Variants in MYO7B observed in about 807,000 individuals in gnomAD.
The protein encoded by MYO7B is myosin VIIB, also known as unconventional myosin-VIIb.
MYO7B carries 212 observed loss-of-function variants against 259.7 expected under a neutral mutation model. The observed-to-expected ratio is 0.82, with a 90% CI of 0.73 to 0.91. MYO7B has a LOEUF of 0.91. Among genes scored for constraint, MYO7B ranks in the 40% least tolerant of loss-of-function variants. The pLI, the probability that MYO7B is intolerant of heterozygous loss-of-function variation, is 0.00. For synonymous variants in MYO7B, 1,197 were observed against 1,166.4 expected (o/e 1.03, Z -0.54); for missense variants, 2,732 against 2,813.5 (o/e 0.97, Z 0.66).
Position 127,623,335 on chromosome 2 carries a change from A to AGG in MYO7B, c.3779_3780insGG (p.Asp1260GlufsTer26). ...ATCGCTCACAAGCAGGGCCTCAGCGACCACCTGGGCTTCTCCCTCCAGGTC... is the reference window on the plus strand; with the variant it reads ...ATCGCTCACAAGCAGGGCCTCAGCGAGGCCACCTGGGCTTCTCCCTCCAGGTC... On this transcript the variant is annotated frameshift_variant, in exon 29 of 48. Transcript: ENST00000409816. LOFTEE classifies it high-confidence loss of function. 6.2e-7 allele frequency: 1 copy of AGG among 1,609,268 alleles called. No homozygotes were observed.
chr2:127,569,948 C>T (rs1258126522), intron 6 of MYO7B, 38 bp downstream of exon 6: 2 of 1,586,210 alleles, frequency 1.3e-6, no homozygotes, highest in Admixed American at 3.5e-5. Context: ...CTCCCCCAGC[C>T]CCCCTGGAGC....
chr2:127,583,301 T>C lies in MYO7B; in HGVS notation c.1344-821T>C, dbSNP rs181956362. Among the ~76,000 whole-genome samples, 70 of 152,314 alleles carry C rather than the reference T, an allele frequency of 4.6e-4. No homozygotes were observed. The East Asian group carries it at 0.013, about 28-fold the overall frequency. ...AAGGGCCCCCCTTGGACAGCCAGGA[T>C]TGTCAAGACACAAGCCATTCCACAC... On this transcript the variant is annotated intron_variant, in intron 12 of 47. Coordinates refer to ENST00000409816, the MANE Select transcript of MYO7B (RefSeq NM_001393586.1).
chr2:127,625,990 A>C (rs1488429158), intron 31 of MYO7B: 1 of 158,024 alleles, frequency 6.3e-6, no homozygotes, highest in Non-Finnish European at 1.4e-5. Flanking sequence ...ATATTTTCAA[A>C]TCACCCTTCA....
intron 43 of MYO7B, 163 bp from the exon 44 acceptor site, chr2:127,635,549 GGGCCCTGCCC>G: frequency 1.3e-6 from 1 of 741,674 alleles, no homozygotes; most frequent in East Asian, 2.7e-5. Context: ...AGATGTCAGG[GGGCCCTGCCC>G]TGACTCAGGG....
chr2:127,617,496 T>C (rs990313820), intron 26 of MYO7B, among the ~76,000 whole-genome samples: 2 of 128,530 alleles, frequency 1.6e-5, no homozygotes, highest in African/African-American at 6.2e-5. Context: ...GGTTTTTTTT[T>C]TTTTTTTTTT....
Position 127,636,447 on chromosome 2 carries a change from GGTGTATGT to G in MYO7B, c.6124-88_6124-81del. ...GCTGGCCGTGAGGCTGGAGGGCGTGGGTGTATGTGTGTATGTGCGTGTGGCCTAGATGA... is the reference window on the plus strand; with the variant it reads ...GCTGGCCGTGAGGCTGGAGGGCGTGGGTGTATGTGCGTGTGGCCTAGATGA... On this transcript the variant is annotated intron_variant, in intron 45 of 47. Transcript: ENST00000409816. The surrounding 1 kb of genome is among the most constrained non-coding windows in gnomAD (Gnocchi z 4.5). The G allele has an allele frequency of 2.1e-6, 3 of 1,422,040 alleles. No homozygotes were observed. Among genetic ancestry groups the G allele is most frequent in the South Asian group, 2.4e-5 (2 of 84,040 alleles). The allele number at this position is 1,422,040 out of a possible 1,614,324, so 88.1% of individuals were successfully genotyped here. A position where few individuals can be genotyped will look rare whatever the true frequency, so the allele number is the denominator to read the frequency against.
intron 47 of MYO7B, 150 bp downstream of exon 47, chr2:127,637,063 G>T (rs769285176): frequency 1.5e-6 from 2 of 1,345,434 alleles, no homozygotes; most frequent in South Asian, 1.3e-5. Flanking sequence ...GGGCCTGGGT[G>T]CATCCCCAGG....
Position 127,569,851 on chromosome 2 carries a change from T to C in MYO7B, c.533T>C (p.Ile178Thr), listed in dbSNP as rs1573634181. 6.2e-7 allele frequency: 1 copy of C among 1,613,318 alleles called. No individual in the cohort carries two copies. The highest frequency in any genetic ancestry group is 8.5e-7 in the Non-Finnish European group (1 of 1,179,486). The change falls in exon 6 of 48, where the codon ATC (isoleucine) becomes ACC (threonine). Residue 178 changes from isoleucine (I) to threonine (T), a missense_variant. Ile to Thr is a moderately conservative substitution (Grantham distance 89). This residue lies in a region of MYO7B where 1,906 missense variants were observed against 2,026.4 expected (regional missense o/e 0.94). Transcript: ENST00000409816. ...CTCATCCTGCAGTTCCTGGCCACCATCAGTGGCCAGCATTCGTGGATTGAG... is the reference window on the plus strand; with the variant it reads ...CTCATCCTGCAGTTCCTGGCCACCACCAGTGGCCAGCATTCGTGGATTGAG... Reference protein sequence around the residue: ...TKLILQFLATISGQHSWIEQQ... With the variant: ...TKLILQFLATTSGQHSWIEQQ...
Position 127,585,037 on chromosome 2 carries a change from G to T in MYO7B, c.1690+124G>T. 1 of 1,262,876 alleles carries T rather than the reference G, an allele frequency of 7.9e-7. No individual in the cohort carries two copies. The highest frequency in any genetic ancestry group is 1.1e-6 in the Non-Finnish European group (1 of 901,416). The allele number at this position is 1,262,876 out of a possible 1,614,324, so 78.2% of individuals were successfully genotyped here. A position where few individuals can be genotyped will look rare whatever the true frequency, so the allele number is the denominator to read the frequency against. On this transcript the variant is annotated intron_variant, in intron 14 of 47. Transcript: ENST00000409816. This position sits in a 1 kb window ranked among gnomAD's most constrained non-coding sequence, Gnocchi z 4.3. ...TAGCAATGGGGCAGAGGGATGAGTA[G>T]TATGGCTTCTACTGGAGAAAGAAAA...
intron 1 of MYO7B, among the ~76,000 whole-genome samples, chr2:127,557,390 C>T (rs753797102): frequency 6.6e-6 from 1 of 151,980 alleles, no homozygotes; most frequent in Non-Finnish European, 1.5e-5. Flanking sequence ...CTTCTGAATT[C>T]TTTTTCAAGT....
At position 127,634,148 on chromosome 2, in the gene MYO7B, G is replaced by A. The variant is rs570875253; in HGVS notation, c.5512-28G>A. The A allele has an allele frequency of 6.1e-5, 95 of 1,558,074 alleles. No homozygotes were observed. The South Asian group carries it at 9.6e-4, about 16-fold the overall frequency. On this transcript the variant is annotated intron_variant, in intron 40 of 47. Transcript: ENST00000409816. ...CTGTACTGGCCCCTAGCCAGGCCCC[G>A]GGCCTCACCAGCTGCCTCTCTGTCC...
chr2:127,598,469 T>C (rs187589167), intron 19 of MYO7B, among the ~76,000 whole-genome samples: 24 of 152,370 alleles, frequency 1.6e-4, no homozygotes, highest in Admixed American at 1.4e-3. Context: ...GAGTTCTTTA[T>C]ATATTCTAGA....
rs926232733 is a variant in MYO7B, at chr2:127,614,048, C to T, written c.3398+1445C>T. ...GTTTTAGCTGCCTGCATGACACTAG[C>T]TGGGCAAGTCTTCTGACTTAGCTGG... On this transcript the variant is annotated intron_variant, in intron 26 of 47. Transcript: ENST00000409816. This position sits in a 1 kb window ranked among gnomAD's most constrained non-coding sequence, Gnocchi z 4.6. Among the ~76,000 whole-genome samples the T allele has an allele frequency of 1.3e-5, 2 of 152,220 alleles. No homozygotes were observed. The highest frequency in any genetic ancestry group is 2.9e-5 in the Non-Finnish European group (2 of 68,036).
chr2:127,574,069 C>G lies in MYO7B; in HGVS notation c.735+7C>G, dbSNP rs185066623. The G allele has an allele frequency of 1.3e-3, 2,150 of 1,613,792 alleles. 74 individuals carry two copies. In the East Asian group the frequency reaches 0.037, roughly 28 times the overall value. ...GTCCCGGGTCTGCCGGCAGGTGAGG[C>G]CTCCCCCTTCCCAGGTCGGGAGTTG... On this transcript the variant is annotated splice_region_variant and intron_variant, in intron 7 of 47. Transcript: ENST00000409816.
At position 127,627,177 on chromosome 2, in the gene MYO7B, T is replaced by C. The variant is rs1166149011; in HGVS notation, c.4334-7T>C. 2 of 1,606,648 alleles carry C rather than the reference T, an allele frequency of 1.2e-6. No homozygotes were observed. The highest frequency in any genetic ancestry group is 3.4e-5 in the Admixed American group (2 of 58,876). On this transcript the variant is annotated splice_region_variant and splice_polypyrimidine_tract_variant and intron_variant, in intron 32 of 47. Transcript: ENST00000409816. This position sits in a 1 kb window ranked among gnomAD's most constrained non-coding sequence, Gnocchi z 5.6. ...GCAGCCTTCACACTGCCGTCTCTCC[T>C]GGCCAGGCCCCCGCCTGCCCAAGAC...
chr2:127,636,661 C>T lies in MYO7B; in HGVS notation c.6207+33C>T, dbSNP rs969489465. Reference sequence around the variant, plus strand: ...CTGGGCCTCCGGAGGGGCTGGGGGCCACCAGGTCCAGGGACCTGTGCAGGT... The same window carrying T: ...CTGGGCCTCCGGAGGGGCTGGGGGCTACCAGGTCCAGGGACCTGTGCAGGT... On this transcript the variant is annotated intron_variant, in intron 46 of 47. Transcript: ENST00000409816. The surrounding 1 kb of genome is among the most constrained non-coding windows in gnomAD (Gnocchi z 4.5). 1.9e-6 allele frequency: 3 copies of T among 1,607,792 alleles called. No individual in the cohort carries two copies. Among genetic ancestry groups the T allele is most frequent in the Non-Finnish European group, 1.7e-6 (2 of 1,177,128 alleles).
In MYO7B at chr2:127,592,768, G is replaced by C. The variant is rs368729906; in HGVS notation, c.1993-26G>C. On this transcript the variant is annotated intron_variant, in intron 16 of 47. Coordinates refer to ENST00000409816, the MANE Select transcript of MYO7B (RefSeq NM_001393586.1). ...TGGCTGGAAAGTGGGGCTTGCGCTG[G>C]GTCAGCGCCCGGTGTCCGCCCACAG... 7 of 1,597,984 alleles carry C rather than the reference G, an allele frequency of 4.4e-6. No individual in the cohort carries two copies. In the African/African-American group the frequency reaches 8.0e-5, roughly 18 times the overall value.
Position 127,631,164 on chromosome 2 carries a change from A to G in MYO7B, c.4938-42A>G, listed in dbSNP as rs778986279. On this transcript the variant is annotated intron_variant, in intron 36 of 47. Coordinates refer to ENST00000409816, the MANE Select transcript of MYO7B (RefSeq NM_001393586.1). ...GAGGACAGAGAAGCGTGGGACAGAG[A>G]AGGCCACAGGGCAGGCCTCACACCA... 1.9e-6 allele frequency: 3 copies of G among 1,540,978 alleles called. 1 individual carries two copies. Among genetic ancestry groups the G allele is most frequent in the South Asian group, 2.5e-5 (2 of 80,536 alleles).
chr2:127,626,875 C>A lies in MYO7B; in HGVS notation c.4216-100C>A, dbSNP rs559488630. The A allele has an allele frequency of 3.5e-6, 4 of 1,130,606 alleles. No homozygotes were observed. In the East Asian group the frequency reaches 1.0e-4, roughly 29 times the overall value. The allele number at this position is 1,130,606 out of a possible 1,614,324, so 70.0% of individuals were successfully genotyped here. ...TCTCCAGACACTGGCCTTGTAGAGCCTTCTCAGAAGGATCCATCAACTCTT... is the reference window on the plus strand; with the variant it reads ...TCTCCAGACACTGGCCTTGTAGAGCATTCTCAGAAGGATCCATCAACTCTT... On this transcript the variant is annotated intron_variant, in intron 31 of 47. Coordinates refer to ENST00000409816, the MANE Select transcript of MYO7B (RefSeq NM_001393586.1).
Sources: gnomAD v4.1 joint callset for allele counts (sites outside exome capture counted in the v4.1 genomes callset) on GRCh38, gnomAD v4.1.1 for gene constraint, gnomAD v4.1.1 regional missense constraint, Gnocchi (gnomAD v3.1) non-coding constraint, MANE v1.5 for transcripts, NCBI Gene and HGNC (gene_info 2026-07-23, HGNC 2026-07-21) for gene names.